Variants in MBTD1 observed in about 807,000 individuals in gnomAD.
The protein encoded by MBTD1 is mbt domain containing 1, also known as MBT domain-containing protein 1.
A neutral mutation model predicts 87.8 loss-of-function variants in MBTD1; 24 were observed. That is an observed-to-expected ratio of 0.27 (90% CI 0.20 to 0.38). MBTD1 has a LOEUF of 0.38. MBTD1 is among the 10% of genes least tolerant of loss of function. The probability of loss-of-function intolerance (pLI) is 1.00; values close to 1 mark genes in which losing one functional copy is unlikely to be tolerated. For synonymous variants in MBTD1, 237 were observed against 248.6 expected (o/e 0.95, Z 0.44); for missense variants, 436 against 760.2 (o/e 0.57, Z 5.02).
Position 51,202,606 on chromosome 17 carries a change from T to C in MBTD1, c.1063+95A>G, listed in dbSNP as rs943842207. 4.3e-6 allele frequency: 4 copies of C among 933,668 alleles called. No individual in the cohort carries two copies. The African/African-American group carries it at 4.9e-5, about 11-fold the overall frequency. 57.8% of individuals were successfully genotyped at this position (933,668 alleles called of 1,614,324 possible). A position where few individuals can be genotyped will look rare whatever the true frequency, so the allele number is the denominator to read the frequency against. On this transcript the variant is annotated intron_variant, in intron 10 of 16. Transcript: ENST00000586178. ...AGCAGCCCAAACAACTAGAATGCTA[T>C]TTTTCATCTATGCAATTCTGCAGAG... is the stretch of plus-strand genomic sequence containing the variant.
At chr17:51,213,813 C>A (rs1048779824) in intron 6 of MBTD1, among the ~76,000 whole-genome samples, 5 of 152,040 alleles carry the variant, frequency 3.3e-5, no homozygotes, top group African/African-American at 1.2e-4. Context: ...AGCAACACCC[C>A]ATCTCTGCCA....
upstream of MBTD1, chr17:51,260,711 G>A (rs765176725): frequency 6.2e-7 from 1 of 1,601,624 alleles, no homozygotes; most frequent in East Asian, 2.2e-5. Context: ...CCAAAAGCCT[G>A]CCCCTTCATC....
chr17:51,226,173 C>CAA (rs768863721), intron 2 of MBTD1, among the ~76,000 whole-genome samples: 1 of 139,922 alleles, frequency 7.1e-6, no homozygotes, highest in African/African-American at 2.6e-5. Context: ...CCCACTCTAC[C>CAA]AAAAAAAAAC....
intron 2 of MBTD1, among the ~76,000 whole-genome samples, chr17:51,253,970 A>G (rs2054938169): frequency 1.3e-5 from 2 of 152,222 alleles, no homozygotes; most frequent in African/African-American, 4.8e-5. Context: ...AATATTAATA[A>G]TAGTGTAATT....
intron 2 of MBTD1, among the ~76,000 whole-genome samples, chr17:51,246,169 A>T (rs114910794): frequency 1.3e-5 from 2 of 152,358 alleles, no homozygotes; most frequent in African/African-American, 4.8e-5. Context: ...GCATAATTAG[A>T]TATCTTGGGG....
Position 51,202,855 on chromosome 17 carries a change from T to A in MBTD1, c.909A>T (p.Arg303=), listed in dbSNP as rs932044231. The A allele has an allele frequency of 1.2e-6, 2 of 1,614,052 alleles. No individual in the cohort carries two copies. Among genetic ancestry groups the A allele is most frequent in the Admixed American group, 3.3e-5 (2 of 60,002 alleles). ...CAATTACACTTTCCACCACTGCTAC[T>A]CGTGTTCGACACAAATGCCTCTTGT... is the stretch of plus-strand genomic sequence containing the variant. ...VVDKRHLCRT[R]VAVVESVIGG... Residue 303 remains arginine (R), a synonymous_variant, in exon 10 of 17, where the codon CGA becomes CGT. Coordinates refer to ENST00000586178, the MANE Select transcript of MBTD1 (RefSeq NM_017643.3).
At chr17:51,184,713 A>G (rs2050456578) in intron 16 of MBTD1, 2 of 152,224 alleles carry the variant, frequency 1.3e-5, no homozygotes, top group Admixed American at 1.3e-4. Flanking sequence ...CCTCATGCTT[A>G]AAGAAAATAC....
At chr17:51,224,250 A>C in intron 3 of MBTD1, among the ~76,000 whole-genome samples, 1 of 152,262 alleles carries the variant, frequency 6.6e-6, no homozygotes, top group East Asian at 1.9e-4. Flanking sequence ...AGGATATCAA[A>C]GAATTAAATC....
chr17:51,229,979 C>T (rs192875187), intron 2 of MBTD1, among the ~76,000 whole-genome samples: 168 of 152,210 alleles, frequency 1.1e-3, no homozygotes, highest in African/African-American at 3.8e-3. Flanking sequence ...TTAGTACTGC[C>T]TTTTAGATAC....
chr17:51,254,126 A>G (rs2054947697), intron 2 of MBTD1, among the ~76,000 whole-genome samples: 1 of 152,170 alleles, frequency 6.6e-6, no homozygotes, highest in Non-Finnish European at 1.5e-5. Context: ...AGAATCTTAA[A>G]TTTGAATGTT....
At chr17:51,259,090 A>C (rs1393829154) in intron 2 of MBTD1, 53 bp downstream of exon 2, 1 of 407,044 alleles carries the variant, frequency 2.5e-6, no homozygotes, top group Non-Finnish European at 4.3e-6. Context: ...TTTCCTGGGC[A>C]GTAGTGAGCT....
chr17:51,200,855 C>G (rs1398266024), intron 12 of MBTD1, among the ~76,000 whole-genome samples: 1 of 150,438 alleles, frequency 6.6e-6, no homozygotes, highest in South Asian at 2.1e-4. Flanking sequence ...CAGAGTGAGA[C>G]CATGTCTTTA....
At chr17:51,190,449 A>G (rs2050739436) in intron 16 of MBTD1, among the ~76,000 whole-genome samples, 1 of 151,870 alleles carries the variant, frequency 6.6e-6, no homozygotes, top group African/African-American at 2.4e-5. Context: ...CCAGACTCAG[A>G]GGATCACACC....
chr17:51,260,685 G>A, upstream of MBTD1: 2 of 1,608,218 alleles, frequency 1.2e-6, no homozygotes, highest in South Asian at 2.2e-5. Flanking sequence ...GCCGGAGCGG[G>A]GCCAGGCGGG....
chr17:51,259,539 A>G (rs1325391295), intron 1 of MBTD1, among the ~76,000 whole-genome samples: 4 of 152,110 alleles, frequency 2.6e-5, no homozygotes. Flanking sequence ...CCCCCTAGCC[A>G]GAGCAGGGGG....
chr17:51,187,763 C>T (rs1468334007), intron 16 of MBTD1, among the ~76,000 whole-genome samples: 4 of 151,230 alleles, frequency 2.6e-5, no homozygotes, highest in African/African-American at 4.9e-5. Flanking sequence ...GCAGGAGAAT[C>T]GCTTGAATCC....
chr17:51,193,369 A>G, intron 14 of MBTD1, 59 bp downstream of exon 14: 1 of 1,153,366 alleles, frequency 8.7e-7, no homozygotes, highest in South Asian at 1.3e-5. Context: ...TATGAACATA[A>G]ATTGTATTTG....
intron 3 of MBTD1, among the ~76,000 whole-genome samples, 172 bp downstream of exon 3, chr17:51,224,836 G>C (rs752476736): frequency 6.6e-6 from 1 of 152,124 alleles, no homozygotes; most frequent in Non-Finnish European, 1.5e-5. Flanking sequence ...CCAGGAGGTA[G>C]GCAAAATAAA....
intron 2 of MBTD1, among the ~76,000 whole-genome samples, chr17:51,232,849 G>A (rs981222156): frequency 6.6e-6 from 1 of 151,756 alleles, no homozygotes; most frequent in African/African-American, 2.4e-5. Flanking sequence ...ACCAGCCTGA[G>A]CAACAAAGTG....
Sources: gnomAD v4.1 joint callset for allele counts (sites outside exome capture counted in the v4.1 genomes callset) on GRCh38, gnomAD v4.1.1 for gene constraint, MANE v1.5 for transcripts, NCBI Gene and HGNC (gene_info 2026-07-23, HGNC 2026-07-21) for gene names.